AGBL4: variants seen among roughly 807,000 people sequenced by gnomAD.
AGBL4 encodes AGBL carboxypeptidase 4.
Under a neutral mutation model 66.4 loss-of-function variants are expected in AGBL4, and 58 were observed. That is an observed-to-expected ratio of 0.87 (90% CI 0.71 to 1.09). The LOEUF is 1.09. Ranked by LOEUF, AGBL4 falls within the 50% of genes least tolerant of loss-of-function variation. The pLI, the probability that AGBL4 is intolerant of heterozygous loss-of-function variation, is 0.00. For synonymous variants in AGBL4, 234 were observed against 222.9 expected, an observed-to-expected ratio of 1.05 and a Z score of -0.44; for missense variants, 579 against 631.0, an observed-to-expected ratio of 0.92 and a Z score of 0.88.
At chr1:49,451,432 C>T (rs1646275410) in intron 3 of AGBL4, among the ~76,000 whole-genome samples, 1 of 151,876 alleles carries the variant, frequency 6.6e-6, no homozygotes. Flanking sequence ...AAATTCTACC[C>T]ACACTCAAGG....
intron 4 of AGBL4, among the ~76,000 whole-genome samples, chr1:49,177,001 G>A (rs560608342): frequency 1.3e-3 from 197 of 152,176 alleles, no homozygotes; most frequent in Non-Finnish European, 2.0e-3. Flanking sequence ...AAGAGTAACC[G>A]GTGACAACTC....
At chr1:49,535,893 G>T (rs1028964133) in intron 3 of AGBL4, among the ~76,000 whole-genome samples, 2 of 152,046 alleles carry the variant, frequency 1.3e-5, no homozygotes, top group Non-Finnish European at 2.9e-5. Context: ...GGGTTTCACC[G>T]TGTTAGCCAG....
At chr1:49,038,703 A>G (rs1303519584) in intron 5 of AGBL4, among the ~76,000 whole-genome samples, 1 of 152,032 alleles carries the variant, frequency 6.6e-6, no homozygotes, top group South Asian at 2.1e-4. Flanking sequence ...ACAACACTAC[A>G]TGCTGGCAAG....
chr1:49,350,413 C>G (rs1557861400), intron 3 of AGBL4, among the ~76,000 whole-genome samples: 2 of 151,796 alleles, frequency 1.3e-5, no homozygotes, highest in African/African-American at 4.8e-5. Context: ...CCGTTTTAGC[C>G]GGGATGGTCT....
intron 4 of AGBL4, among the ~76,000 whole-genome samples, chr1:49,131,355 A>C (rs1645892016): frequency 6.6e-6 from 1 of 152,108 alleles, no homozygotes; most frequent in Admixed American, 6.6e-5. Context: ...TTCGTTGATC[A>C]CTACCCTTAA....
intron 1 of AGBL4, among the ~76,000 whole-genome samples, chr1:49,887,750 A>G (rs1249341110): frequency 6.6e-6 from 1 of 152,138 alleles, no homozygotes; most frequent in Non-Finnish European, 1.5e-5. Context: ...AAGCAAAAAC[A>G]GTGGAGGTGA....
chr1:49,264,324 C>T (rs1352036592), intron 3 of AGBL4, among the ~76,000 whole-genome samples: 2 of 152,004 alleles, frequency 1.3e-5, no homozygotes, highest in Non-Finnish European at 2.9e-5. Flanking sequence ...ATTTAAATAA[C>T]TTTAATTCAT....
At chr1:48,641,327 T>C (rs897735596) in intron 8 of AGBL4, among the ~76,000 whole-genome samples, 4 of 151,652 alleles carry the variant, frequency 2.6e-5, no homozygotes, top group Non-Finnish European at 2.9e-5. Flanking sequence ...GTTGTGTAGA[T>C]GGAGGATTGC....
At chr1:49,584,938 T>G (rs1644619396) in intron 3 of AGBL4, among the ~76,000 whole-genome samples, 1 of 152,182 alleles carries the variant, frequency 6.6e-6, no homozygotes, top group Non-Finnish European at 1.5e-5. Flanking sequence ...ACCAGTTCAT[T>G]AAATGTTTAG....
At chr1:49,786,427 A>G (rs1644456459) in intron 2 of AGBL4, among the ~76,000 whole-genome samples, 1 of 152,176 alleles carries the variant, frequency 6.6e-6, no homozygotes, top group Non-Finnish European at 1.5e-5. Context: ...CTGCTGAGTA[A>G]CAATATCTCT....
chr1:49,605,600 C>T (rs1645049558), intron 3 of AGBL4, among the ~76,000 whole-genome samples: 1 of 152,128 alleles, frequency 6.6e-6, no homozygotes, highest in Non-Finnish European at 1.5e-5. Context: ...ATAATACATG[C>T]AGCTAAATTT....
intron 1 of AGBL4, among the ~76,000 whole-genome samples, chr1:49,987,939 C>T (rs145744698): frequency 6.6e-5 from 10 of 151,140 alleles, no homozygotes; most frequent in African/African-American, 2.4e-4. Flanking sequence ...ACTGAAAAAA[C>T]ATGTACGAAT....
intron 2 of AGBL4, among the ~76,000 whole-genome samples, chr1:49,741,127 G>A (rs1416210995): frequency 2.0e-5 from 3 of 151,716 alleles, no homozygotes; most frequent in East Asian, 3.9e-4. Flanking sequence ...TTTTTCGAAA[G>A]GATCAACAAA....
At chr1:49,803,048 GAT>G (rs1436384823) in intron 2 of AGBL4, among the ~76,000 whole-genome samples, 2 of 150,510 alleles carry the variant, frequency 1.3e-5, no homozygotes, top group South Asian at 2.1e-4. Flanking sequence ...TTAAATATAT[GAT>G]ATATAAGTTA....
At chr1:49,449,843 A>T (rs1311930962) in intron 3 of AGBL4, among the ~76,000 whole-genome samples, 1 of 152,054 alleles carries the variant, frequency 6.6e-6, no homozygotes, top group African/African-American at 2.4e-5. Flanking sequence ...TATTCATAAC[A>T]CAGCCTCATC....
At chr1:49,737,832 A>G (rs545031079) in intron 2 of AGBL4, among the ~76,000 whole-genome samples, 3 of 152,214 alleles carry the variant, frequency 2.0e-5, no homozygotes. Flanking sequence ...CTTTTTTATA[A>G]AAAAAGATAG....
chr1:49,897,586 C>T (rs1649348238), intron 1 of AGBL4, among the ~76,000 whole-genome samples: 1 of 151,910 alleles, frequency 6.6e-6, no homozygotes, highest in East Asian at 1.9e-4. Context: ...ACATTCTTCA[C>T]AAACATATAA....
chr1:49,825,907 C>A (rs1440052914), intron 2 of AGBL4, among the ~76,000 whole-genome samples: 5 of 151,796 alleles, frequency 3.3e-5, no homozygotes, highest in African/African-American at 1.2e-4. Flanking sequence ...AGAACCCTGA[C>A]AAACATACTA....
intron 1 of AGBL4, among the ~76,000 whole-genome samples, chr1:49,948,572 T>TAGAGAG (rs1363192215): frequency 1.7e-5 from 2 of 116,834 alleles, no homozygotes; most frequent in African/African-American, 3.5e-5. Flanking sequence ...AAAATATATA[T>TAGAGAG]ATATATATAT....
Sources: gnomAD v4.1 joint callset for allele counts (sites outside exome capture counted in the v4.1 genomes callset) on GRCh38, gnomAD v4.1.1 for gene constraint, MANE v1.5 for transcripts, NCBI Gene and HGNC (gene_info 2026-07-23, HGNC 2026-07-21) for gene names.